The following PEX7 variants were observed in gnomAD, a reference collection of about 807,000 sequenced individuals.
PEX7 encodes the protein peroxisomal biogenesis factor 7, also known as PTS2 receptor.
A neutral mutation model predicts 47.5 loss-of-function variants in PEX7; 34 were observed. The ratio of observed to expected loss-of-function variants is 0.72; its 90% CI spans 0.54 to 0.95. The LOEUF is 0.95. PEX7 is among the 40% of genes least tolerant of loss of function. The pLI, the probability that PEX7 is intolerant of heterozygous loss-of-function variation, is 0.00. For synonymous variants in PEX7, 141 were observed against 148.8 expected, an observed-to-expected ratio of 0.95 and a Z score of 0.38; for missense variants, 394 against 400.3, an observed-to-expected ratio of 0.98 and a Z score of 0.13.
chr6:136,848,247 G>C (rs1013216740), intron 5 of PEX7, among the ~76,000 whole-genome samples: 1 of 152,198 alleles, frequency 6.6e-6, no homozygotes, highest in Admixed American at 6.5e-5. Flanking sequence ...TTTGGGCTGA[G>C]ACGGTGGGGT....
chr6:136,858,533 CT>C (rs1774902911), intron 5 of PEX7, among the ~76,000 whole-genome samples: 1 of 152,134 alleles, frequency 6.6e-6, no homozygotes, highest in Non-Finnish European at 1.5e-5. Context: ...GAATTGTGGG[CT>C]TCATCTTAAG....
At chr6:136,882,681 G>A (rs1477206994) in intron 8 of PEX7, among the ~76,000 whole-genome samples, 2 of 152,082 alleles carry the variant, frequency 1.3e-5, no homozygotes, top group African/African-American at 4.8e-5. Context: ...CATGTGTGCT[G>A]TTGATCCCTC....
At position 136,900,723 on chromosome 6, in the gene PEX7, C is replaced by G; in HGVS notation, c.903+2482C>G. On this transcript the variant is annotated intron_variant, in intron 9 of 9. Coordinates refer to ENST00000318471, the MANE Select transcript of PEX7 (RefSeq NM_000288.4). This position sits in a 1 kb window ranked among gnomAD's most constrained non-coding sequence, Gnocchi z 4.2. ...CAGTCACCGCCAGCTGAGCCTTCTT[C>G]TTCTCCACCAAGGTGGTGACGGTGT... 2.8e-6 allele frequency: 1 copy of G among 352,708 alleles called. No homozygotes were observed. The highest frequency in any genetic ancestry group is 5.5e-6 in the Non-Finnish European group (1 of 182,466). The allele number at this position is 352,708 out of a possible 1,614,324, so 21.8% of individuals were successfully genotyped here.
At chr6:136,866,780 A>C in intron 6 of PEX7, 47 bp downstream of exon 6, 2 of 1,483,836 alleles carry the variant, frequency 1.3e-6, no homozygotes, top group Non-Finnish European at 1.9e-6. Flanking sequence ...CCTAATGTTA[A>C]AATGTTCTGA....
At chr6:136,886,438 A>G (rs973207951) in intron 8 of PEX7, among the ~76,000 whole-genome samples, 1 of 152,194 alleles carries the variant, frequency 6.6e-6, no homozygotes, top group African/African-American at 2.4e-5. Context: ...ATGAAGTAGT[A>G]TCTGTAAATA....
At chr6:136,899,859 A>G (rs1232649659) in intron 9 of PEX7, among the ~76,000 whole-genome samples, 2 of 152,240 alleles carry the variant, frequency 1.3e-5, no homozygotes, top group Admixed American at 6.5e-5. Context: ...ATGTGTTTCA[A>G]ATGAACTAGT....
intron 8 of PEX7, among the ~76,000 whole-genome samples, chr6:136,896,759 G>A (rs1775658569): frequency 6.6e-6 from 1 of 152,046 alleles, no homozygotes; most frequent in Non-Finnish European, 1.5e-5. Flanking sequence ...GAACATAGTA[G>A]CCACATGCAG....
In PEX7 at chr6:136,865,806, C is replaced by T. The variant is rs557701533; in HGVS notation, c.527-821C>T. ...AAAATATCAAAATAAATAAATAGGC[C>T]GGGCGCTGCGGCTCATGCCTGTAAT... is the stretch of plus-strand genomic sequence containing the variant. On this transcript the variant is annotated intron_variant, in intron 5 of 9. Coordinates refer to ENST00000318471, the MANE Select transcript of PEX7 (RefSeq NM_000288.4). Among the ~76,000 whole-genome samples, 6 of 151,782 alleles carry T rather than the reference C, an allele frequency of 4.0e-5. No homozygotes were observed. The Middle Eastern group carries it at 0.01, about 260-fold the overall frequency.
intron 9 of PEX7, among the ~76,000 whole-genome samples, chr6:136,899,329 G>A (rs896424324): frequency 1.4e-4 from 21 of 151,428 alleles, no homozygotes; most frequent in African/African-American, 3.6e-4. Flanking sequence ...TGCAACCTTC[G>A]CCTCCCGGAT....
rs924871699 is a variant in PEX7, at chr6:136,834,047, T to C, written c.339+7578T>C. 3.3e-5 allele frequency among the ~76,000 whole-genome samples: 5 copies of C among 152,266 alleles called. No homozygotes were observed. The East Asian group carries it at 7.7e-4, about 23-fold the overall frequency. On this transcript the variant is annotated intron_variant, in intron 3 of 9. Coordinates refer to ENST00000318471, the MANE Select transcript of PEX7 (RefSeq NM_000288.4). ...AAAAAAACAACCATTCCGTACAACA[T>C]GATAGATATTGAAAAGAGGTATCTA...
intron 5 of PEX7, among the ~76,000 whole-genome samples, chr6:136,850,647 C>G (rs1774726181): frequency 6.6e-6 from 1 of 152,134 alleles, no homozygotes; most frequent in Non-Finnish European, 1.5e-5. Flanking sequence ...AATGTTATAA[C>G]TGAGATATGA....
chr6:136,864,228 A>T (rs958861831), intron 5 of PEX7, among the ~76,000 whole-genome samples: 2 of 115,702 alleles, frequency 1.7e-5, no homozygotes, highest in African/African-American at 7.0e-5. Context: ...TATGTGGCAC[A>T]TTGGAAGCAC....
At chr6:136,849,137 A>G (rs891914616) in intron 5 of PEX7, among the ~76,000 whole-genome samples, 10 of 152,006 alleles carry the variant, frequency 6.6e-5, no homozygotes, top group Admixed American at 6.6e-5. Context: ...GTTTATTTGC[A>G]TAGAGGTGTT....
In PEX7 at chr6:136,867,209, T is replaced by C. The variant is rs950886467; in HGVS notation, c.633+476T>C. On this transcript the variant is annotated intron_variant, in intron 6 of 9. Transcript: ENST00000318471. ...TGTAAGATAAGTGTCCATGTGCAAC[T>C]TTTTTAAAGCTTCAGTTAACCACAT... 2.6e-4 allele frequency among the ~76,000 whole-genome samples: 39 copies of C among 152,322 alleles called. 1 individual carries two copies. The East Asian group carries it at 7.3e-3, about 29-fold the overall frequency.
intron 9 of PEX7, 44 bp from the exon 10 acceptor site, chr6:136,913,414 G>A (rs1018961290): frequency 1.4e-6 from 2 of 1,386,030 alleles, no homozygotes; most frequent in Non-Finnish European, 2.1e-6. Context: ...TTGAATTTTT[G>A]TATGTCTAAA....
chr6:136,823,412 C>T (rs1310327868), intron 1 of PEX7: 3 of 943,062 alleles, frequency 3.2e-6, no homozygotes, highest in Non-Finnish European at 2.5e-6. Flanking sequence ...AATTGTCTCC[C>T]GTCGCGCGCA....
chr6:136,862,208 A>G (rs1181221372), intron 5 of PEX7, among the ~76,000 whole-genome samples: 1 of 151,410 alleles, frequency 6.6e-6, no homozygotes, highest in East Asian at 1.9e-4. Flanking sequence ...CTGGGATTAC[A>G]GGCGTGTGCC....
intron 5 of PEX7, among the ~76,000 whole-genome samples, chr6:136,860,102 A>G (rs141914751): frequency 0.022 from 3,406 of 152,212 alleles, 45 homozygotes; most frequent in Non-Finnish European, 0.03. Flanking sequence ...AGGTGAGTCT[A>G]TGGCACCATC....
At chr6:136,854,704 G>C (rs1169879789) in intron 5 of PEX7, among the ~76,000 whole-genome samples, 1 of 152,144 alleles carries the variant, frequency 6.6e-6, no homozygotes, top group Non-Finnish European at 1.5e-5. Context: ...TCTTAGGGGA[G>C]GGATGCCTTT....
Sources: allele counts gnomAD v4.1 joint callset (sites outside exome capture counted in the v4.1 genomes callset), GRCh38; gene constraint gnomAD v4.1.1; non-coding constraint Gnocchi (gnomAD v3.1); transcripts MANE v1.5; gene names NCBI Gene and HGNC (gene_info 2026-07-23, HGNC 2026-07-21).